Variants in KCNK13 observed in about 807,000 individuals in gnomAD.
KCNK13 encodes the protein potassium channel subfamily K member 13.
A neutral mutation model predicts 23.4 loss-of-function variants in KCNK13; 12 were observed. That is an observed-to-expected ratio of 0.51 (90% CI 0.33 to 0.83). KCNK13 has a LOEUF of 0.83. KCNK13 is among the 40% of genes least tolerant of loss of function. The pLI is 0.02. For missense variants in KCNK13, 463 were observed against 556.3 expected (o/e 0.83, Z 1.69); for synonymous variants, 231 against 229.5 (o/e 1.01, Z -0.06).
chr14:90,096,923 C>G (rs950809142), intron 1 of KCNK13, among the ~76,000 whole-genome samples: 6 of 152,200 alleles, frequency 3.9e-5, no homozygotes, highest in Non-Finnish European at 7.3e-5. Context: ...TCCCAAGTTA[C>G]ATTCCTGAGA....
intron 1 of KCNK13, among the ~76,000 whole-genome samples, chr14:90,077,099 A>G (rs1272802580): frequency 1.3e-3 from 182 of 139,486 alleles, no homozygotes; most frequent in African/African-American, 3.0e-3. Context: ...GATTACAGGC[A>G]TGAGCCACCG....
intron 1 of KCNK13, among the ~76,000 whole-genome samples, chr14:90,063,937 G>A (rs1344551229): frequency 6.6e-6 from 1 of 152,168 alleles, no homozygotes; most frequent in Non-Finnish European, 1.5e-5. Flanking sequence ...CCCAGATGGT[G>A]CGGCCCATCA....
intron 1 of KCNK13, among the ~76,000 whole-genome samples, chr14:90,172,652 T>A (rs925629851): frequency 1.3e-5 from 2 of 152,164 alleles, no homozygotes; most frequent in African/African-American, 4.8e-5. Context: ...ATATGAGTGG[T>A]CACTTACCAT....
intron 1 of KCNK13, among the ~76,000 whole-genome samples, chr14:90,094,654 T>C (rs1006930232): frequency 4.9e-5 from 7 of 143,710 alleles, no homozygotes; most frequent in African/African-American, 1.3e-4. Flanking sequence ...TCTTTTTTTT[T>C]TTTTTTTTTT....
At chr14:90,104,251 C>T (rs939967213) in intron 1 of KCNK13, among the ~76,000 whole-genome samples, 1 of 152,214 alleles carries the variant, frequency 6.6e-6, no homozygotes, top group African/African-American at 2.4e-5. Context: ...GTGCCTCCTC[C>T]TCCTGTGAAT....
At chr14:90,148,015 T>C (rs1014088290) in intron 1 of KCNK13, among the ~76,000 whole-genome samples, 3 of 151,980 alleles carry the variant, frequency 2.0e-5, no homozygotes, top group African/African-American at 7.2e-5. Flanking sequence ...CAAAAAGTAT[T>C]AGCCGAGCGT....
At chr14:90,168,493 T>C (rs957591599) in intron 1 of KCNK13, among the ~76,000 whole-genome samples, 7 of 152,188 alleles carry the variant, frequency 4.6e-5, no homozygotes, top group Non-Finnish European at 8.8e-5. Flanking sequence ...CACTTGACTT[T>C]TGTTGCCTTC....
At chr14:90,125,425 A>G (rs372376992) in intron 1 of KCNK13, among the ~76,000 whole-genome samples, 4 of 151,668 alleles carry the variant, frequency 2.6e-5, no homozygotes, top group African/African-American at 9.7e-5. Context: ...GGGTTTCACC[A>G]TGTTAGCCAG....
chr14:90,182,554 G>A (rs147325177), intron 1 of KCNK13, among the ~76,000 whole-genome samples: 2,991 of 152,286 alleles, frequency 0.02, 46 homozygotes, highest in Non-Finnish European at 0.029. Context: ...GGGTATGGTG[G>A]CTTATGCCCG....
At chr14:90,065,908 A>G (rs570970683) in intron 1 of KCNK13, among the ~76,000 whole-genome samples, 1 of 152,334 alleles carries the variant, frequency 6.6e-6, no homozygotes, top group South Asian at 2.1e-4. Context: ...AGACAGAGTC[A>G]TGACCCATAC....
At chr14:90,147,808 G>A (rs546544140) in intron 1 of KCNK13, among the ~76,000 whole-genome samples, 208 of 152,150 alleles carry the variant, frequency 1.4e-3, no homozygotes, top group African/African-American at 4.7e-3. Context: ...AATGTTCCTG[G>A]CCTCACTGAC....
At chr14:90,063,189 G>A (rs1352422431) in intron 1 of KCNK13, among the ~76,000 whole-genome samples, 1 of 152,310 alleles carries the variant, frequency 6.6e-6, no homozygotes, top group East Asian at 1.9e-4. Flanking sequence ...TAGAGTAGGA[G>A]AGAATCGCAC....
intron 1 of KCNK13, among the ~76,000 whole-genome samples, chr14:90,071,829 C>T (rs1193143599): frequency 6.6e-6 from 1 of 151,464 alleles, no homozygotes; most frequent in Non-Finnish European, 1.5e-5. Flanking sequence ...ACCTGGAAGG[C>T]GGAAGTTGCA....
chr14:90,082,944 C>T (rs1022674365), intron 1 of KCNK13, among the ~76,000 whole-genome samples: 6 of 152,176 alleles, frequency 3.9e-5, no homozygotes, highest in Non-Finnish European at 5.9e-5. Context: ...CTTTCCAACA[C>T]TTTACTATCT....
chr14:90,075,803 C>T (rs1390300178), intron 1 of KCNK13, among the ~76,000 whole-genome samples: 2 of 152,134 alleles, frequency 1.3e-5, no homozygotes, highest in Non-Finnish European at 2.9e-5. Context: ...TTTTGATCTT[C>T]CCATCTTTCT....
rs71117323 is a variant in KCNK13, at chr14:90,144,495, C to CTTTTTTTTTTTTTTTTTTT, written c.335-39599_335-39598insTTTTTTTTTTTTTTTTTTT. Among the ~76,000 whole-genome samples the CTTTTTTTTTTTTTTTTTTT allele has an allele frequency of 2.5e-5, 3 of 119,238 alleles. 1 individual carries two copies. Among genetic ancestry groups the CTTTTTTTTTTTTTTTTTTT allele is most frequent in the Non-Finnish European group, 4.9e-5 (3 of 60,750 alleles). The allele number at this position is 119,238 out of a possible 152,430, so 78.2% of individuals were successfully genotyped here. A position where few individuals can be genotyped will look rare whatever the true frequency, so the allele number is the denominator to read the frequency against. On this transcript the variant is annotated intron_variant, in intron 1 of 1. Coordinates refer to ENST00000282146, the MANE Select transcript of KCNK13 (RefSeq NM_022054.4). ...GAGAATGAAGGCTGTTTTACTTTCT[C>CTTTTTTTTTTTTTTTTTTT]TTTTTTTTTTTTTTTTTGTGAGATA...
chr14:90,156,393 C>G (rs1204261850), intron 1 of KCNK13, among the ~76,000 whole-genome samples: 1 of 151,930 alleles, frequency 6.6e-6, no homozygotes, highest in Non-Finnish European at 1.5e-5. Context: ...AACGAGAAGA[C>G]AGTGACTTAG....
chr14:90,098,812 C>T (rs1889440747), intron 1 of KCNK13, among the ~76,000 whole-genome samples: 1 of 152,142 alleles, frequency 6.6e-6, no homozygotes, highest in Non-Finnish European at 1.5e-5. Context: ...GGCGCGGTGG[C>T]TCACGCCTGT....
At chr14:90,112,083 T>A (rs1439149595) in intron 1 of KCNK13, among the ~76,000 whole-genome samples, 1 of 152,202 alleles carries the variant, frequency 6.6e-6, no homozygotes, top group East Asian at 1.9e-4. Flanking sequence ...TAGCACCATG[T>A]CTGGTCCCTG....
Sources: allele counts gnomAD v4.1 joint callset (sites outside exome capture counted in the v4.1 genomes callset), GRCh38; gene constraint gnomAD v4.1.1; transcripts MANE v1.5; gene names NCBI Gene and HGNC (gene_info 2026-07-23, HGNC 2026-07-21).